Variants in MAP3K20 observed in about 807,000 individuals in gnomAD.
MAP3K20 encodes mitogen-activated protein kinase kinase kinase 20.
In MAP3K20, 40 loss-of-function variants were observed where a neutral mutation model predicts 85.7. That is an observed-to-expected ratio of 0.47 (90% CI 0.36 to 0.61). The LOEUF (loss-of-function observed/expected upper bound fraction) is 0.61, where lower values mean the gene tolerates loss of function less well. MAP3K20 is among the 20% of genes least tolerant of loss of function. The pLI, the probability that MAP3K20 is intolerant of heterozygous loss-of-function variation, is 0.00. For missense variants in MAP3K20, 817 were observed against 961.7 expected (o/e 0.85, Z 1.99); for synonymous variants, 325 against 327.7 (o/e 0.99, Z 0.09).
At chr2:173,250,998 T>C (rs1174466799) in intron 16 of MAP3K20, among the ~76,000 whole-genome samples, 1 of 152,188 alleles carries the variant, frequency 6.6e-6, no homozygotes, top group Non-Finnish European at 1.5e-5. Context: ...GATGTTCCAC[T>C]CTCCTGCCTT....
At chr2:173,114,980 G>A (rs543907715) in intron 2 of MAP3K20, among the ~76,000 whole-genome samples, 8 of 152,224 alleles carry the variant, frequency 5.3e-5, no homozygotes, top group African/African-American at 1.7e-4. Context: ...AGTTTTCCTC[G>A]ATTATTCCCC....
Position 173,075,910 on chromosome 2 carries a change from G to T in MAP3K20, c.-127G>T. The T allele has an allele frequency of 3.0e-6, 3 of 984,326 alleles. No homozygotes were observed. The highest frequency in any genetic ancestry group is 3.6e-6 in the Non-Finnish European group (3 of 829,116). 61.0% of individuals were successfully genotyped at this position (984,326 alleles called of 1,614,324 possible). On this transcript the variant is annotated 5_prime_UTR_variant, in exon 1 of 20. Transcript: ENST00000375213. Reference sequence around the variant, plus strand: ...TAACTGCAGCGGAAACGTGGGAGCCGCGCGGGCCGCTGTCGTCCCAACCCC... The same window carrying T: ...TAACTGCAGCGGAAACGTGGGAGCCTCGCGGGCCGCTGTCGTCCCAACCCC...
At chr2:173,156,700 G>A (rs576322680) in intron 2 of MAP3K20, among the ~76,000 whole-genome samples, 39 of 152,296 alleles carry the variant, frequency 2.6e-4, no homozygotes, top group Admixed American at 9.8e-4. Context: ...ATGCTCGCTC[G>A]CCAGCTGCTC....
chr2:173,159,366 CCTTCCTTTCCT>C (rs748000149), intron 2 of MAP3K20, among the ~76,000 whole-genome samples: 1 of 70,914 alleles, frequency 1.4e-5, no homozygotes, highest in African/African-American at 4.3e-5. Context: ...TCTTTCCTTT[CCTTCCTTTCCT>C]TTTCTTTTCT....
chr2:173,185,036 GT>G (rs1392833238), intron 4 of MAP3K20, among the ~76,000 whole-genome samples: 2 of 152,250 alleles, frequency 1.3e-5, no homozygotes, highest in East Asian at 1.9e-4. Flanking sequence ...GAGGCCAGGA[GT>G]TCAAAACCAG....
chr2:173,080,782 T>C (rs1686992492), intron 1 of MAP3K20, among the ~76,000 whole-genome samples: 1 of 152,186 alleles, frequency 6.6e-6, no homozygotes, highest in South Asian at 2.1e-4. Context: ...TCATAACTAC[T>C]CTCCTGCTTT....
At chr2:173,215,528 CA>C (rs1684047657) in intron 10 of MAP3K20, 1 of 152,136 alleles carries the variant, frequency 6.6e-6, no homozygotes, top group African/African-American at 2.4e-5. Context: ...TCTTTAGGGA[CA>C]GTAATGGGAC....
intron 2 of MAP3K20, among the ~76,000 whole-genome samples, chr2:173,128,163 G>A (rs1302520946): frequency 1.3e-5 from 2 of 151,886 alleles, no homozygotes; most frequent in Admixed American, 6.6e-5. Context: ...CTGACACAAG[G>A]TTCATCTCAC....
chr2:173,181,428 T>C (rs1199235102), intron 3 of MAP3K20, among the ~76,000 whole-genome samples: 1 of 151,932 alleles, frequency 6.6e-6, no homozygotes, highest in East Asian at 1.9e-4. Context: ...CCCTCATACG[T>C]TGCTGGCAGG....
At chr2:173,206,546 A>C (rs1407827723) in intron 9 of MAP3K20, among the ~76,000 whole-genome samples, 2 of 152,106 alleles carry the variant, frequency 1.3e-5, no homozygotes, top group Admixed American at 1.3e-4. Flanking sequence ...ATTCCCAAAC[A>C]AGTTCTCTTC....
intron 11 of MAP3K20, chr2:173,223,026 A>T: frequency 1.0e-6 from 1 of 985,446 alleles, no homozygotes; most frequent in South Asian, 4.7e-5. Context: ...ATCATCATAG[A>T]TATGATCTAA....
intron 3 of MAP3K20, among the ~76,000 whole-genome samples, chr2:173,181,118 C>T (rs1427904765): frequency 6.6e-6 from 1 of 152,060 alleles, no homozygotes. Context: ...GGCTAATAGG[C>T]ACATAAAAAG....
intron 2 of MAP3K20, among the ~76,000 whole-genome samples, chr2:173,093,394 TA>T (rs1365906741): frequency 6.6e-6 from 1 of 152,142 alleles, no homozygotes; most frequent in African/African-American, 2.4e-5. Flanking sequence ...AATATTAGAC[TA>T]AATATATGTT....
At chr2:173,075,657 C>T, upstream of MAP3K20, 1 of 906,866 alleles carries the variant, frequency 1.1e-6, no homozygotes, top group Non-Finnish European at 1.3e-6. Flanking sequence ...GGCCCTCCCC[C>T]CACAGCAAGG....
At position 173,123,846 on chromosome 2, in the gene MAP3K20, G is replaced by A. The variant is rs192763176; in HGVS notation, c.159+32656G>A. On this transcript the variant is annotated intron_variant, in intron 2 of 19. Transcript: ENST00000375213. ...GAAATAAAATATTTTTTTAGAGCTA[G>A]TGTGGAAGCTCTCTGGTTCTTAGAC... 5.8e-4 allele frequency among the ~76,000 whole-genome samples: 88 copies of A among 152,074 alleles called. 1 individual carries two copies. The highest frequency in any genetic ancestry group is 8.4e-4 in the African/African-American group (35 of 41,486).
intron 11 of MAP3K20, chr2:173,223,576 G>A (rs892045621): frequency 1.0e-6 from 1 of 985,316 alleles, no homozygotes; most frequent in African/African-American, 1.7e-5. Context: ...TTTCAGGAAA[G>A]ATAAAGAGAA....
chr2:173,238,004 T>C (rs1418309659), intron 14 of MAP3K20, among the ~76,000 whole-genome samples: 4 of 152,112 alleles, frequency 2.6e-5, no homozygotes, highest in African/African-American at 7.2e-5. Context: ...TAAAATAAAT[T>C]AGCTGGGTGT....
At chr2:173,222,007 G>C in intron 11 of MAP3K20, 1 of 984,562 alleles carries the variant, frequency 1.0e-6, no homozygotes, top group Non-Finnish European at 1.2e-6. Flanking sequence ...AGAAATGGTT[G>C]GCCTGAGCAA....
Position 173,266,196 on chromosome 2 carries a change from C to T in MAP3K20, c.1849C>T (p.Arg617Trp), listed in dbSNP as rs750517616. 7.5e-5 allele frequency: 121 copies of T among 1,613,938 alleles called. No individual in the cohort carries two copies. The highest frequency in any genetic ancestry group is 3.3e-4 in the Middle Eastern group (2 of 6,084). Reference sequence around the variant, plus strand: ...GGATTCCTACGCTGCTGCTGTGAGACGGCCCCAGGTGCCCATTAAGTATCA... The same window carrying T: ...GGATTCCTACGCTGCTGCTGTGAGATGGCCCCAGGTGCCCATTAAGTATCA... ...GQDSYAAAVR[R>W]PQVPIKYQQI... Residue 617 changes from arginine (R) to tryptophan (W), a missense_variant, in exon 20 of 20, where the codon CGG (arginine) becomes TGG (tryptophan). Transcript: ENST00000375213.
Sources: gnomAD v4.1 joint callset for allele counts (sites outside exome capture counted in the v4.1 genomes callset) on GRCh38, gnomAD v4.1.1 for gene constraint, MANE v1.5 for transcripts, NCBI Gene and HGNC (gene_info 2026-07-23, HGNC 2026-07-21) for gene names.